Variants in CC2D1A observed in about 807,000 individuals in gnomAD.
CC2D1A encodes coiled-coil and C2 domain containing 1A.
Under a neutral mutation model 123.8 loss-of-function variants are expected in CC2D1A, and 68 were observed. That is an observed-to-expected ratio of 0.55 (90% CI 0.45 to 0.67). CC2D1A has a LOEUF of 0.67. Among genes scored for constraint, CC2D1A ranks in the 30% least tolerant of loss-of-function variants. The pLI is 0.00. For missense variants in CC2D1A, 1,185 were observed against 1,290.3 expected, an observed-to-expected ratio of 0.92 and a Z score of 1.25; for synonymous variants, 477 against 528.0, an observed-to-expected ratio of 0.90 and a Z score of 1.32.
At position 13,920,779 on chromosome 19, in the gene CC2D1A, C is replaced by T. The variant is rs771832846; in HGVS notation, c.1498C>T (p.Arg500Cys). The change falls in exon 14 of 29, where the codon CGC becomes TGC. Residue 500 changes from arginine to cysteine, a missense_variant. Arg to Cys is a radical substitution (Grantham distance 180). Coordinates refer to ENST00000318003, the MANE Select transcript of CC2D1A (RefSeq NM_017721.5). ...AQQQLAFLEGRKKQLLQAALR... is the reference protein window; with the variant it reads ...AQQQLAFLEGCKKQLLQAALR... The stretch of plus-strand genomic sequence containing the variant: ...GCAGCAGCTGGCCTTCCTAGAGGGC[C>T]GCAAGAAGCAGCTCCTGCAGGCCGC... 4.3e-6 allele frequency: 7 copies of T among 1,613,848 alleles called. No individual in the cohort carries two copies. The highest frequency in any genetic ancestry group is 1.1e-5 in the South Asian group (1 of 91,068).
Position 13,920,673 on chromosome 19 carries a change from G to A in CC2D1A, c.1468+5G>A, listed in dbSNP as rs1404781243. 1 of 1,607,872 alleles carries A rather than the reference G, an allele frequency of 6.2e-7. No individual in the cohort carries two copies. Among genetic ancestry groups the A allele is most frequent in the South Asian group, 1.1e-5 (1 of 90,436 alleles). On this transcript the variant is annotated splice_donor_5th_base_variant and intron_variant, in intron 13 of 28. Transcript: ENST00000318003. ...CCAAAGCCACATCCACCAGAGGTAA[G>A]TTCCCCCTCCCCGCCCCAGCTGCCT...
chr19:13,916,480 C>T (rs757792779), intron 6 of CC2D1A, among the ~76,000 whole-genome samples: 18 of 152,154 alleles, frequency 1.2e-4, no homozygotes, highest in Non-Finnish European at 2.1e-4. Flanking sequence ...GGGAGAATCA[C>T]TTGAGCCTGG....
Position 13,928,154 on chromosome 19 carries a change from C to G in CC2D1A, c.2485C>G (p.Pro829Ala). 6.2e-7 allele frequency: 1 copy of G among 1,613,664 alleles called. No individual in the cohort carries two copies. Among genetic ancestry groups the G allele is most frequent in the Non-Finnish European group, 8.5e-7 (1 of 1,179,960 alleles). Residue 829 changes from proline (P) to alanine (A), a missense_variant, in exon 24 of 29, where the codon CCT becomes GCT. Physicochemically the swap from Pro to Ala is conservative, Grantham distance 27 (BLOSUM62 -1). Coordinates refer to ENST00000318003, the MANE Select transcript of CC2D1A (RefSeq NM_017721.5). The part of the protein sequence containing the change: ...QVAGPKGKAP[P>A]VPAPARESGN... ...TGCTGGGCCCAAAGGGAAGGCCCCTCCTGTGCCTGCCCCTGCAAGGGAGTC... is the reference window on the plus strand; with the variant it reads ...TGCTGGGCCCAAAGGGAAGGCCCCTGCTGTGCCTGCCCCTGCAAGGGAGTC...
Position 13,927,095 on chromosome 19 carries a change from A to G in CC2D1A, c.2225+18A>G, listed in dbSNP as rs770172007. 3 of 1,612,890 alleles carry G rather than the reference A, an allele frequency of 1.9e-6. No homozygotes were observed. The South Asian group carries it at 3.3e-5, about 18-fold the overall frequency. On this transcript the variant is annotated intron_variant, in intron 21 of 28. Coordinates refer to ENST00000318003, the MANE Select transcript of CC2D1A (RefSeq NM_017721.5). ...CACAAGGGGTGAGCTAGAGAGAGCC[A>G]TGGCCGCTGGGTGGGCTCCAGGGGA...
At chr19:13,925,941 T>A (rs1189213498) in intron 17 of CC2D1A, among the ~76,000 whole-genome samples, 46 of 122,948 alleles carry the variant, frequency 3.7e-4, no homozygotes, top group Non-Finnish European at 5.1e-4. Flanking sequence ...AAAATATATA[T>A]ATATATATAT....
At position 13,906,625 on chromosome 19, in the gene CC2D1A, T is replaced by C; in HGVS notation, c.60+124T>C. On this transcript the variant is annotated intron_variant, in intron 1 of 28. Transcript: ENST00000318003. The surrounding 1 kb of genome is among the most constrained non-coding windows in gnomAD (Gnocchi z 4.1). ...CCACAGGTAAGCCCCGGTCCCCGCC[T>C]CCCCCCAGGTGAGGCTCCAACACCA... 1.8e-6 allele frequency: 1 copy of C among 558,506 alleles called. No individual in the cohort carries two copies. The highest frequency in any genetic ancestry group is 3.0e-6 in the Non-Finnish European group (1 of 335,874). 34.6% of individuals were successfully genotyped at this position (558,506 alleles called of 1,614,324 possible).
intron 14 of CC2D1A, 81 bp downstream of exon 14, chr19:13,921,003 G>T (rs1971395861): frequency 3.0e-6 from 4 of 1,351,542 alleles, no homozygotes; most frequent in Non-Finnish European, 4.0e-6. Context: ...TGAACTAGAA[G>T]TGTATTAGTC....
Position 13,923,372 on chromosome 19 carries a change from G to A in CC2D1A, c.1681G>A (p.Val561Ile). The A allele has an allele frequency of 6.2e-7, 1 of 1,611,724 alleles. No individual in the cohort carries two copies. ...TGTCAACAAGGACGACTTTGCCCTG[G>A]TCCAGCGGCCTGGCCCGGGTCTGTC... ...APVNKDDFAL[V>I]QRPGPGLSQE... Residue 561 changes from valine to isoleucine, a missense_variant, in exon 15 of 29, where the codon GTC (valine) becomes ATC (isoleucine). By Grantham distance (29) the Val-to-Ile change is conservative (BLOSUM62 3). Coordinates refer to ENST00000318003, the MANE Select transcript of CC2D1A (RefSeq NM_017721.5). The surrounding 1 kb of genome is among the most constrained non-coding windows in gnomAD (Gnocchi z 5.3).
rs867285768 is a variant in CC2D1A at position 13,906,748 on chromosome 19, C to G, written c.60+247C>G. 1.3e-5 allele frequency among the ~76,000 whole-genome samples: 2 copies of G among 152,240 alleles called. No individual in the cohort carries two copies. Among genetic ancestry groups the G allele is most frequent in the Non-Finnish European group, 2.9e-5 (2 of 68,052 alleles). On this transcript the variant is annotated intron_variant, in intron 1 of 28. Coordinates refer to ENST00000318003, the MANE Select transcript of CC2D1A (RefSeq NM_017721.5). The surrounding 1 kb of genome is among the most constrained non-coding windows in gnomAD (Gnocchi z 4.1). ...CACAGCTGCTCCAGTCGAGGAGGGG[C>G]AGTCCTCGGACTTGACACATCAAAC...
In CC2D1A at chr19:13,919,865, A is replaced by C. The variant is rs1471611093; in HGVS notation, c.1270A>C (p.Ser424Arg). ...GGAGGCCACCAAGCCCACCCAGCAG[A>C]GTCTGGTGGGTGTCCTGGAGACTGC... ...GLEATKPTQQ[S>R]LVGVLETAMK... The change falls in exon 12 of 29, where the codon AGT (serine) becomes CGT (arginine). Residue 424 changes from serine (S) to arginine (R), a missense_variant. Transcript: ENST00000318003. 6.2e-7 allele frequency: 1 copy of C among 1,612,474 alleles called. No individual in the cohort carries two copies. Among genetic ancestry groups the C allele is most frequent in the Admixed American group, 1.7e-5 (1 of 59,974 alleles).
chr19:13,922,035 C>T (rs1385029127), intron 14 of CC2D1A, among the ~76,000 whole-genome samples: 1 of 152,144 alleles, frequency 6.6e-6, no homozygotes, highest in Non-Finnish European at 1.5e-5. Flanking sequence ...GGAGTCTCGC[C>T]CTGTCATCCA....
chr19:13,920,209 C>A, intron 12 of CC2D1A: 1 of 512,058 alleles, frequency 2.0e-6, no homozygotes, highest in Non-Finnish European at 3.4e-6. Flanking sequence ...CATGGTCATG[C>A]CACTGTACGC....
intron 11 of CC2D1A, among the ~76,000 whole-genome samples, chr19:13,919,515 A>G (rs2145333777): frequency 6.6e-6 from 1 of 152,102 alleles, no homozygotes; most frequent in East Asian, 1.9e-4. Flanking sequence ...AGGTGGGAAA[A>G]TCACTTGAGG....
intron 2 of CC2D1A, among the ~76,000 whole-genome samples, chr19:13,911,706 A>ATTTTTTT (rs1055273535): frequency 1.1e-5 from 1 of 88,552 alleles, no homozygotes. Context: ...TGCCCAGCTA[A>ATTTTTTT]TTTTTTTTTT....
Position 13,920,578 on chromosome 19 carries a change from ACAGCC to A in CC2D1A, c.1386_1390del (p.Pro463SerfsTer114), listed in dbSNP as rs754934527. 1 of 1,605,594 alleles carries A rather than the reference ACAGCC, an allele frequency of 6.2e-7. No individual in the cohort carries two copies. Among genetic ancestry groups the A allele is most frequent in the South Asian group, 1.1e-5 (1 of 90,260 alleles). On this transcript the variant is annotated frameshift_variant, in exon 13 of 29. Transcript: ENST00000318003. LOFTEE classifies it high-confidence loss of function. The stretch of plus-strand genomic sequence containing the variant: ...ACAGCAGAACAGCCCTGTGGCCCCC[ACAGCC>A]CAGCCCAAAGCCCCACCCTCAAGAA...
At chr19:13,915,446 A>G (rs1387981722) in intron 6 of CC2D1A, among the ~76,000 whole-genome samples, 1 of 152,066 alleles carries the variant, frequency 6.6e-6, no homozygotes, top group Non-Finnish European at 1.5e-5. Context: ...GGGTTTCACC[A>G]TGTTGCTGCC....
Position 13,929,567 on chromosome 19 carries a change from C to T in CC2D1A, c.2617C>T (p.Pro873Ser), listed in dbSNP as rs1206169504. Residue 873 changes from proline (P) to serine (S), a missense_variant, in exon 26 of 29, where the codon CCC becomes TCC. Pro to Ser is a moderately conservative substitution (Grantham distance 74, BLOSUM62 -1). Coordinates refer to ENST00000318003, the MANE Select transcript of CC2D1A (RefSeq NM_017721.5). ...LALRQARRPVPPEVAQQYQDI... is the reference protein window; with the variant it reads ...LALRQARRPVSPEVAQQYQDI... ...CCTCAGGCAGGCGCGGCGGCCGGTG[C>T]CCCCAGAAGTGGCCCAGCAGTACCA... 1.2e-6 allele frequency: 2 copies of T among 1,609,780 alleles called. No homozygotes were observed. Among genetic ancestry groups the T allele is most frequent in the African/African-American group, 1.4e-5 (1 of 74,058 alleles).
Position 13,923,255 on chromosome 19 carries a change from G to A in CC2D1A, c.1642-78G>A. Reference sequence around the variant, plus strand: ...TGGTCAGGGAATGCCCCTCGTCAAGGAAGAATGACATTTCTGCAGAGCCCT... The same window carrying A: ...TGGTCAGGGAATGCCCCTCGTCAAGAAAGAATGACATTTCTGCAGAGCCCT... On this transcript the variant is annotated intron_variant, in intron 14 of 28. Coordinates refer to ENST00000318003, the MANE Select transcript of CC2D1A (RefSeq NM_017721.5). The surrounding 1 kb of genome is among the most constrained non-coding windows in gnomAD (Gnocchi z 5.3). The A allele has an allele frequency of 6.7e-7, 1 of 1,495,724 alleles. No individual in the cohort carries two copies. The highest frequency in any genetic ancestry group is 8.9e-7 in the Non-Finnish European group (1 of 1,124,850). 92.7% of individuals were successfully genotyped at this position (1,495,724 alleles called of 1,614,324 possible).
intron 17 of CC2D1A, among the ~76,000 whole-genome samples, chr19:13,925,979 TATATATATAC>T (rs1971596964): frequency 4.5e-5 from 6 of 134,198 alleles, no homozygotes; most frequent in African/African-American, 1.9e-4. Context: ...TATATGTGTA[TATATATATAC>T]ATATATGTGT....
Sources: allele counts gnomAD v4.1 joint callset (sites outside exome capture counted in the v4.1 genomes callset), GRCh38; gene constraint gnomAD v4.1.1; non-coding constraint Gnocchi (gnomAD v3.1); transcripts MANE v1.5; gene names NCBI Gene and HGNC (gene_info 2026-07-23, HGNC 2026-07-21).